The following PRR16 variants were observed in gnomAD, a reference collection of about 807,000 sequenced individuals.
The protein encoded by PRR16 is proline rich 16.
PRR16 carries 6 observed loss-of-function variants against 18.2 expected under a neutral mutation model. The ratio of observed to expected loss-of-function variants is 0.33; its 90% confidence interval spans 0.18 to 0.65. The LOEUF (loss-of-function observed/expected upper bound fraction) is 0.65, where lower values mean the gene tolerates loss of function less well. Ranked by LOEUF, PRR16 falls within the 30% of genes least tolerant of loss-of-function variation. The pLI is 0.74. For missense variants in PRR16, 412 were observed against 376.6 expected (o/e 1.09, Z -0.78); for synonymous variants, 151 against 147.8 (o/e 1.02, Z -0.16).
chr5:120,649,566 T>C (rs997544660), intron 1 of PRR16, among the ~76,000 whole-genome samples: 1 of 152,152 alleles, frequency 6.6e-6, no homozygotes, highest in Non-Finnish European at 1.5e-5. Context: ...CAGATGTAGC[T>C]CCAGCCTATG....
intron 1 of PRR16, among the ~76,000 whole-genome samples, chr5:120,580,594 A>G (rs943644676): frequency 2.6e-5 from 4 of 151,784 alleles, no homozygotes; most frequent in Admixed American, 1.3e-4. Context: ...AGCTGGGACT[A>G]CAGGTGCCTG....
intron 1 of PRR16, among the ~76,000 whole-genome samples, chr5:120,639,960 T>C (rs1580818602): frequency 6.6e-6 from 1 of 151,984 alleles, no homozygotes; most frequent in East Asian, 1.9e-4. Context: ...TATGCAACCA[T>C]TAATAAAGAA....
chr5:120,501,092 C>G (rs1472961979), intron 1 of PRR16, among the ~76,000 whole-genome samples: 1 of 151,978 alleles, frequency 6.6e-6, no homozygotes. Flanking sequence ...ACTTCAGAAG[C>G]ATAAAGTTTT....
At chr5:120,468,877 G>A (rs1749183403) in intron 1 of PRR16, among the ~76,000 whole-genome samples, 1 of 152,168 alleles carries the variant, frequency 6.6e-6, no homozygotes, top group African/African-American at 2.4e-5. Flanking sequence ...GCTACTATAT[G>A]AGTTGAAAAA....
chr5:120,480,823 T>A (rs1749586897), intron 1 of PRR16, among the ~76,000 whole-genome samples: 1 of 152,204 alleles, frequency 6.6e-6, no homozygotes, highest in Non-Finnish European at 1.5e-5. Context: ...TTTACTGAGC[T>A]GAAACAAGAT....
chr5:120,486,285 G>A (rs557238885), intron 1 of PRR16, among the ~76,000 whole-genome samples: 1,998 of 152,198 alleles, frequency 0.013, 16 homozygotes, highest in Middle Eastern at 0.11. Flanking sequence ...AAGCGTTCCT[G>A]TTTCTCCACA....
the PRR16 span, among the ~76,000 whole-genome samples, chr5:120,708,360 G>C: frequency 6.6e-6 from 1 of 152,170 alleles, no homozygotes; most frequent in Admixed American, 6.5e-5. Context: ...GTTATGGCTA[G>C]CAGTTATTTA....
At chr5:120,702,573 C>T in the PRR16 span, among the ~76,000 whole-genome samples, 5 of 152,252 alleles carry the variant, frequency 3.3e-5, no homozygotes, top group East Asian at 9.7e-4. Flanking sequence ...ACCTTTGAAA[C>T]ATGGGTGAAT....
chr5:120,536,549 C>T (rs944439097), intron 1 of PRR16, among the ~76,000 whole-genome samples: 2 of 152,002 alleles, frequency 1.3e-5, no homozygotes, highest in Admixed American at 1.3e-4. Flanking sequence ...GTATAGTTTA[C>T]ACAAAACATA....
chr5:120,525,516 A>G (rs2112658508), intron 1 of PRR16, among the ~76,000 whole-genome samples: 1 of 152,076 alleles, frequency 6.6e-6, no homozygotes, highest in Non-Finnish European at 1.5e-5. Context: ...GAAGTTTTAT[A>G]TAATACTGAT....
At chr5:120,519,136 G>C (rs1277639270) in intron 1 of PRR16, among the ~76,000 whole-genome samples, 2 of 151,992 alleles carry the variant, frequency 1.3e-5, no homozygotes, top group African/African-American at 2.4e-5. Context: ...ATTGAGTTTG[G>C]AGGGCATGGA....
At chr5:120,657,004 C>T (rs902369184) in intron 1 of PRR16, among the ~76,000 whole-genome samples, 1 of 151,844 alleles carries the variant, frequency 6.6e-6, no homozygotes, top group African/African-American at 2.4e-5. Context: ...ATAGGAGCCA[C>T]GTGATTTTTT....
At chr5:120,684,262 G>A (rs1280346261) in intron 1 of PRR16, among the ~76,000 whole-genome samples, 2 of 152,190 alleles carry the variant, frequency 1.3e-5, no homozygotes, top group African/African-American at 4.8e-5. Flanking sequence ...TGCTGAGTTT[G>A]CAGGCCTTCG....
chr5:120,684,109 A>C (rs1757050780), intron 1 of PRR16, among the ~76,000 whole-genome samples: 1 of 152,206 alleles, frequency 6.6e-6, no homozygotes, highest in Non-Finnish European at 1.5e-5. Context: ...TCTCCTGACC[A>C]GAAGGTGAGT....
At chr5:120,651,084 A>G (rs373578575) in intron 1 of PRR16, among the ~76,000 whole-genome samples, 58 of 152,252 alleles carry the variant, frequency 3.8e-4, no homozygotes, top group Non-Finnish European at 2.9e-5. Context: ...GCCAGTGATG[A>G]TGAGCATTTT....
chr5:120,567,197 C>A (rs1752764944), intron 1 of PRR16, among the ~76,000 whole-genome samples: 1 of 152,104 alleles, frequency 6.6e-6, no homozygotes, highest in Non-Finnish European at 1.5e-5. Context: ...CATCCAGTGA[C>A]CAGTTTTGGC....
intron 1 of PRR16, among the ~76,000 whole-genome samples, chr5:120,669,764 A>G (rs1756531001): frequency 6.6e-6 from 1 of 152,098 alleles, no homozygotes; most frequent in Admixed American, 6.6e-5. Context: ...TTTTGAAAGA[A>G]AAAAGTGTTT....
At chr5:120,607,678 A>G (rs990675280) in intron 1 of PRR16, among the ~76,000 whole-genome samples, 2 of 152,138 alleles carry the variant, frequency 1.3e-5, no homozygotes, top group African/African-American at 4.8e-5. Flanking sequence ...TTCCCAAAGC[A>G]TACTAAGAAA....
chr5:120,568,012 A>G (rs1245426470), intron 1 of PRR16, among the ~76,000 whole-genome samples: 4 of 152,188 alleles, frequency 2.6e-5, no homozygotes, highest in African/African-American at 9.7e-5. Context: ...ATTCATTTCT[A>G]TATGATATGA....
Sources: allele counts gnomAD v4.1 joint callset (sites outside exome capture counted in the v4.1 genomes callset), GRCh38; gene constraint gnomAD v4.1.1; transcripts MANE v1.5; gene names NCBI Gene and HGNC (gene_info 2026-07-23, HGNC 2026-07-21).